Variants in KALRN observed in about 807,000 individuals in gnomAD.
The protein encoded by KALRN is kalirin RhoGEF kinase, also known as kalirin.
A neutral mutation model predicts 353.7 loss-of-function variants in KALRN; 70 were observed. The observed-to-expected ratio is 0.20, with a 90% CI of 0.16 to 0.24. KALRN has a LOEUF of 0.24. KALRN is among the 10% of genes least tolerant of loss of function. The pLI, the probability that KALRN is intolerant of heterozygous loss-of-function variation, is 1.00. For synonymous variants in KALRN, 1,391 were observed against 1,434.8 expected, an observed-to-expected ratio of 0.97 and a Z score of 0.69; for missense variants, 2,791 against 3,756.7, an observed-to-expected ratio of 0.74 and a Z score of 6.72.
intron 5 of KALRN, among the ~76,000 whole-genome samples, chr3:124,276,111 T>C (rs1484132995): frequency 6.6e-6 from 1 of 152,218 alleles, no homozygotes; most frequent in Non-Finnish European, 1.5e-5. Context: ...CCTTGCAAAC[T>C]TGGGGCCAGA....
Position 124,674,600 on chromosome 3 carries a change from T to C in KALRN, c.7179T>C (p.Ser2393=). The change falls in exon 49 of 60, where the codon AGT becomes AGC. Residue 2393 remains serine (S), a synonymous_variant. Coordinates refer to ENST00000682506, the MANE Select transcript of KALRN (RefSeq NM_001388419.1). The stretch of plus-strand genomic sequence containing the variant: ...CCAAAGCCACAGCAGCAGAAAGTAG[T>C]GACGGGAGCATCAAGTAAGTGCCTC... ...PLTKATAAES[S]DGSIKKSCSW... The C allele has an allele frequency of 6.3e-7, 1 of 1,593,078 alleles. No homozygotes were observed. The highest frequency in any genetic ancestry group is 8.6e-7 in the Non-Finnish European group (1 of 1,166,750).
intron 5 of KALRN, among the ~76,000 whole-genome samples, chr3:124,296,514 G>T (rs1383715598): frequency 2.0e-5 from 3 of 152,212 alleles, no homozygotes; most frequent in Admixed American, 2.0e-4. Flanking sequence ...CAGGATTTCA[G>T]TAGCAGCCTT....
At chr3:124,535,474 G>C (rs1387347362) in intron 33 of KALRN, among the ~76,000 whole-genome samples, 1 of 152,160 alleles carries the variant, frequency 6.6e-6, no homozygotes, top group Non-Finnish European at 1.5e-5. Context: ...GCTTCAATCT[G>C]TCTGGTCACT....
chr3:124,091,397 C>T (rs574400103), intron 1 of KALRN, among the ~76,000 whole-genome samples: 3 of 152,266 alleles, frequency 2.0e-5, no homozygotes, highest in African/African-American at 2.4e-5. Context: ...TGGCCATTGT[C>T]GTCCCAGGAG....
intron 34 of KALRN, among the ~76,000 whole-genome samples, chr3:124,578,471 A>C (rs568832939): frequency 1.3e-3 from 193 of 152,362 alleles, no homozygotes; most frequent in African/African-American, 4.5e-3. Flanking sequence ...AGAGTTTGAG[A>C]AAGTAAAACC....
intron 1 of KALRN, among the ~76,000 whole-genome samples, chr3:124,122,830 G>A (rs1246993809): frequency 6.6e-6 from 1 of 152,166 alleles, no homozygotes; most frequent in African/African-American, 2.4e-5. Flanking sequence ...AAGTGTTCAA[G>A]TGAAAGGAAG....
chr3:124,413,514 G>C lies in KALRN; in HGVS notation c.2391G>C (p.Gln797His). 1 of 1,614,204 alleles carries C rather than the reference G, an allele frequency of 6.2e-7. No individual in the cohort carries two copies. Among genetic ancestry groups the C allele is most frequent in the Non-Finnish European group, 8.5e-7 (1 of 1,180,026 alleles). Residue 797 changes from glutamine to histidine, a missense_variant, in exon 14 of 60, where the codon CAG becomes CAC. Transcript: ENST00000682506. ...CCTGGAATGAAGACTTGCTTCGGCA[G>C]ATGAATGACTTCAACACAGAGGACC... ...LDAWNEDLLR[Q>H]MNDFNTEDLT...
At chr3:124,340,920 C>T (rs559703870) in intron 9 of KALRN, among the ~76,000 whole-genome samples, 1 of 152,240 alleles carries the variant, frequency 6.6e-6, no homozygotes, top group African/African-American at 2.4e-5. Context: ...CACGCTACTG[C>T]ACTCCAGCTT....
intron 36 of KALRN, among the ~76,000 whole-genome samples, chr3:124,636,202 C>G (rs913190512): frequency 1.3e-5 from 2 of 152,106 alleles, no homozygotes; most frequent in Non-Finnish European, 2.9e-5. Flanking sequence ...TCTCTCTAAC[C>G]CAAGGGGCAA....
intron 5 of KALRN, among the ~76,000 whole-genome samples, chr3:124,276,511 C>T (rs892417857): frequency 2.0e-5 from 3 of 152,176 alleles, no homozygotes; most frequent in Non-Finnish European, 4.4e-5. Flanking sequence ...CTTCTACTTC[C>T]CTGGTGGACC....
chr3:124,367,504 CG>C (rs1320819081), intron 10 of KALRN, among the ~76,000 whole-genome samples: 5 of 78,932 alleles, frequency 6.3e-5, no homozygotes, highest in South Asian at 5.4e-4. Flanking sequence ...GCTGGCCGGG[CG>C]GGGGGGCTGA....
chr3:124,501,185 T>C (rs576732864), intron 33 of KALRN, among the ~76,000 whole-genome samples: 37 of 152,152 alleles, frequency 2.4e-4, no homozygotes, highest in Non-Finnish European at 4.4e-4. Context: ...GAGAGGGAGA[T>C]TGAAGTGAAA....
At chr3:124,255,592 C>T (rs1442900572) in intron 3 of KALRN, among the ~76,000 whole-genome samples, 5 of 152,186 alleles carry the variant, frequency 3.3e-5, no homozygotes, top group African/African-American at 9.6e-5. Flanking sequence ...CTTTTGAAGC[C>T]GTATGAATCT....
chr3:124,123,427 A>G (rs1305325954), intron 1 of KALRN, among the ~76,000 whole-genome samples: 1 of 152,244 alleles, frequency 6.6e-6, no homozygotes, highest in Non-Finnish European at 1.5e-5. Context: ...ACAGCAAAGC[A>G]CTAATTCTCT....
At chr3:124,061,612 A>G (rs2042000760) in intron 1 of KALRN, among the ~76,000 whole-genome samples, 1 of 152,230 alleles carries the variant, frequency 6.6e-6, no homozygotes. Context: ...TTCCTTCAAA[A>G]TGAAATAATC....
Position 124,446,827 on chromosome 3 carries a change from C to A in KALRN, c.3494C>A (p.Thr1165Asn), listed in dbSNP as rs199727098. The change falls in exon 21 of 60, where the codon ACC (threonine) becomes AAC (asparagine). Residue 1165 changes from threonine (T) to asparagine (N), a missense_variant. Physicochemically the swap from Thr to Asn is moderately conservative, Grantham distance 65. Around this residue, in one of 11 missense-constraint regions of KALRN, gnomAD observed 268 missense variants for 347.0 expected, o/e 0.77. Transcript: ENST00000682506. ...YLSTHTSTGE[T>N]TEETQELLKE... The stretch of plus-strand genomic sequence containing the variant: ...TCAACACATACCTCCACTGGAGAGA[C>A]CACAGAGGAGACTCAGGAACTGCTG... The A allele has an allele frequency of 8.4e-5, 135 of 1,613,994 alleles. 3 individuals carry two copies. The South Asian group carries it at 9.0e-4, about 11-fold the overall frequency.
chr3:124,507,646 G>A (rs1037125235), intron 33 of KALRN, among the ~76,000 whole-genome samples: 1 of 152,164 alleles, frequency 6.6e-6, no homozygotes, highest in Non-Finnish European at 1.5e-5. Flanking sequence ...AGTCTTCTGA[G>A]TTCACACCCC....
rs1158608009 is a variant in KALRN at position 124,632,572 on chromosome 3, C to T, written c.5335C>T (p.Arg1779Trp). ...LKKWLTSPVR[R>W]LNSGKADGNI... The stretch of plus-strand genomic sequence containing the variant: ...GAAGTGGCTGACGAGTCCTGTGCGT[C>T]GGCTTAACAGCGGGAAGGCAGATGG... Residue 1779 changes from arginine (R) to tryptophan (W), a missense_variant, in exon 35 of 60, where the codon CGG becomes TGG. Physicochemically the swap from Arg to Trp is moderately radical, Grantham distance 101. Coordinates refer to ENST00000682506, the MANE Select transcript of KALRN (RefSeq NM_001388419.1). The T allele has an allele frequency of 2.5e-6, 4 of 1,614,164 alleles. No individual in the cohort carries two copies. The highest frequency in any genetic ancestry group is 1.1e-5 in the South Asian group (1 of 91,084).
At position 124,222,432 on chromosome 3, in the gene KALRN, A is replaced by T. The variant is rs574325316; in HGVS notation, c.74-5558A>T. Among the ~76,000 whole-genome samples the T allele has an allele frequency of 1.1e-3, 164 of 152,252 alleles. 1 individual carries two copies. The highest frequency in any genetic ancestry group is 3.6e-3 in the African/African-American group (149 of 41,548). ...GGGGTCTTCCCATGGTAGGGGCCAG[A>T]GGGGTGATGAGTAGTGTTAGATGAG... On this transcript the variant is annotated intron_variant, in intron 1 of 59. Transcript: ENST00000682506.
Sources: allele counts gnomAD v4.1 joint callset (sites outside exome capture counted in the v4.1 genomes callset), GRCh38; gene constraint gnomAD v4.1.1; regional missense constraint gnomAD v4.1.1; transcripts MANE v1.5; gene names NCBI Gene and HGNC (gene_info 2026-07-23, HGNC 2026-07-21).